The following CES5A variants were observed in gnomAD, a reference collection of about 807,000 sequenced individuals.
The protein encoded by CES5A is carboxylesterase 5.
Under a neutral mutation model 62.9 loss-of-function variants are expected in CES5A, and 67 were observed. That is an observed-to-expected ratio of 1.07 (90% CI 0.88 to 1.31). The LOEUF is 1.31. Ranked by LOEUF, CES5A falls within the 50% of genes most tolerant of loss-of-function variation. The pLI is 0.00. For missense variants in CES5A, 748 were observed against 708.5 expected (o/e 1.06, Z -0.63); for synonymous variants, 296 against 280.8 (o/e 1.05, Z -0.54).
At chr16:55,938,754 AAAAAAAAAAAAATATATATAT>A (rs2034406745) in intron 2 of CES5A, among the ~76,000 whole-genome samples, 2 of 77,318 alleles carry the variant, frequency 2.6e-5, no homozygotes, top group South Asian at 4.4e-4. Flanking sequence ...AAAAAAAAAA[AAAAAAAAAAAAATATATATAT>A]ATATATATAT....
At chr16:55,858,372 G>A (rs1184344687) in intron 8 of CES5A, among the ~76,000 whole-genome samples, 17 of 152,166 alleles carry the variant, frequency 1.1e-4, no homozygotes, top group African/African-American at 2.9e-4. Flanking sequence ...TGCTTGGACA[G>A]CCTGTGCTTG....
intron 10 of CES5A, among the ~76,000 whole-genome samples, chr16:55,851,297 C>T (rs990099049): frequency 2.0e-4 from 30 of 152,012 alleles, no homozygotes; most frequent in African/African-American, 7.0e-4. Flanking sequence ...TAAAACTCAG[C>T]AACAAAAAAC....
intron 2 of CES5A, among the ~76,000 whole-genome samples, chr16:55,937,399 G>T (rs1340362961): frequency 6.6e-6 from 1 of 152,188 alleles, no homozygotes; most frequent in African/African-American, 2.4e-5. Flanking sequence ...AAGCAGTGAG[G>T]CAGGCTTACC....
chr16:55,919,748 A>G (rs2034183044), intron 1 of CES5A, among the ~76,000 whole-genome samples: 1 of 152,236 alleles, frequency 6.6e-6, no homozygotes, highest in African/African-American at 2.4e-5. Context: ...TTTATCTACC[A>G]AAAATTATTA....
At chr16:55,922,951 T>C (rs2142461156) in intron 1 of CES5A, among the ~76,000 whole-genome samples, 1 of 151,504 alleles carries the variant, frequency 6.6e-6, no homozygotes, top group African/African-American at 2.4e-5. Flanking sequence ...AATAGGTCAA[T>C]GAAGAAGTTA....
intron 2 of CES5A, among the ~76,000 whole-genome samples, chr16:55,932,175 G>A (rs2034320444): frequency 6.6e-6 from 1 of 152,136 alleles, no homozygotes; most frequent in Admixed American, 6.5e-5. Context: ...TCATTGGCCA[G>A]AACCAGTCAC....
chr16:55,921,580 C>T (rs2034204647), intron 1 of CES5A, among the ~76,000 whole-genome samples: 1 of 147,112 alleles, frequency 6.8e-6, no homozygotes, highest in East Asian at 2.0e-4. Context: ...TGAGAGAATT[C>T]ACTACCACCA....
chr16:55,909,389 T>C (rs2034069772), intron 1 of CES5A, among the ~76,000 whole-genome samples: 2 of 152,198 alleles, frequency 1.3e-5, no homozygotes, highest in South Asian at 2.1e-4. Flanking sequence ...AGACTGTGCC[T>C]AGATGTCAAA....
chr16:55,891,365 T>G (rs1166346501), intron 1 of CES5A, among the ~76,000 whole-genome samples: 1 of 152,178 alleles, frequency 6.6e-6, no homozygotes, highest in South Asian at 2.1e-4. Context: ...TACATTCGAG[T>G]GCTATTTCTT....
intron 2 of CES5A, among the ~76,000 whole-genome samples, chr16:55,948,133 T>C (rs1202854874): frequency 6.6e-6 from 1 of 151,918 alleles, no homozygotes. Flanking sequence ...TTTGCCCAGG[T>C]TGAGGACGTG....
chr16:55,908,905 G>A (rs1337861691), intron 1 of CES5A, among the ~76,000 whole-genome samples: 1 of 152,164 alleles, frequency 6.6e-6, no homozygotes, highest in African/African-American at 2.4e-5. Flanking sequence ...CCTTCTCAGG[G>A]GCTGAGGGCT....
Position 55,921,381 on chromosome 16 carries a change from A to G in CES5A, c.-256+3942T>C, listed in dbSNP as rs1227306290. Among the ~76,000 whole-genome samples the G allele has an allele frequency of 2.0e-5, 3 of 152,122 alleles. No individual in the cohort carries two copies. In the East Asian group the frequency reaches 5.8e-4, roughly 29 times the overall value. ...AAACAACAAGAGAAAAGAAGTAAATATTACACAAAGGAGCCTCAATTTGTC... is the reference window on the plus strand; with the variant it reads ...AAACAACAAGAGAAAAGAAGTAAATGTTACACAAAGGAGCCTCAATTTGTC... On this transcript the variant is annotated intron_variant, in intron 1 of 12. Coordinates refer to the CES5A transcript ENST00000518005.
intron 1 of CES5A, among the ~76,000 whole-genome samples, chr16:55,923,339 C>G (rs1402701077): frequency 1.3e-5 from 2 of 151,516 alleles, no homozygotes; most frequent in Non-Finnish European, 3.0e-5. Flanking sequence ...GGAGACATAA[C>G]AACTGAGACT....
intron 1 of CES5A, among the ~76,000 whole-genome samples, chr16:55,874,662 C>T (rs2033661767): frequency 6.6e-6 from 1 of 152,098 alleles, no homozygotes; most frequent in African/African-American, 2.4e-5. Flanking sequence ...GAAATCAACT[C>T]GTCTACTTCC....
intron 9 of CES5A, among the ~76,000 whole-genome samples, chr16:55,855,454 A>G (rs1567324907): frequency 6.6e-6 from 1 of 152,240 alleles, no homozygotes; most frequent in Non-Finnish European, 1.5e-5. Flanking sequence ...GAACGAGTAA[A>G]TGACTGGTCT....
At chr16:55,919,643 A>T (rs2034182077) in intron 1 of CES5A, among the ~76,000 whole-genome samples, 1 of 152,196 alleles carries the variant, frequency 6.6e-6, no homozygotes, top group Admixed American at 6.5e-5. Flanking sequence ...TTTGTGAATG[A>T]TTTTCTTTTA....
chr16:55,917,191 C>T (rs2034155580), intron 1 of CES5A, among the ~76,000 whole-genome samples: 1 of 152,224 alleles, frequency 6.6e-6, no homozygotes. Context: ...CTAATGGTTG[C>T]TAAACACTTA....
rs756585750 is a variant in CES5A at position 55,859,642 on chromosome 16, T to C, written c.961A>G (p.Asn321Asp). Residue 321 changes from asparagine (N) to aspartate (D), a missense_variant, in exon 8 of 13, where the codon AAT becomes GAT. Transcript: ENST00000290567. ...TGAGACAATAGATCTAGAGGCTCAT[T>C]AGGAAAGAAAGCACCATCAACCACT... ...TRVVDGAFFP[N>D]EPLDLLSQKA... The C allele has an allele frequency of 5.0e-6, 8 of 1,613,264 alleles. No individual in the cohort carries two copies. The South Asian group carries it at 5.5e-5, about 11-fold the overall frequency.
chr16:55,856,617 T>C (rs2033249603), intron 8 of CES5A, among the ~76,000 whole-genome samples, 172 bp from the exon 9 acceptor site: 1 of 152,216 alleles, frequency 6.6e-6, no homozygotes, highest in Non-Finnish European at 1.5e-5. Flanking sequence ...GTTAATTTCT[T>C]CTCACTTTTG....
Sources: gnomAD v4.1 joint callset for allele counts (sites outside exome capture counted in the v4.1 genomes callset) on GRCh38, gnomAD v4.1.1 for gene constraint, MANE v1.5 for transcripts, NCBI Gene and HGNC (gene_info 2026-07-23, HGNC 2026-07-21) for gene names.